The following ZNF827 variants were observed in gnomAD, a reference collection of about 807,000 sequenced individuals.
ZNF827 encodes the protein zinc finger protein 827.
A neutral mutation model predicts 102.4 loss-of-function variants in ZNF827; 13 were observed. The observed-to-expected ratio is 0.13, with a 90% confidence interval of 0.08 to 0.20. The LOEUF is 0.20. ZNF827 is among the 10% of genes least tolerant of loss of function. ZNF827 has a pLI of 1.00. For missense variants in ZNF827, 1,103 were observed against 1,344.4 expected (o/e 0.82, Z 2.81); for synonymous variants, 523 against 536.2 (o/e 0.98, Z 0.34).
rs547210181 is a variant in ZNF827, at chr4:145,812,826, C to A, written c.2383+10596G>T. 2.0e-5 allele frequency among the ~76,000 whole-genome samples: 3 copies of A among 152,292 alleles called. No individual in the cohort carries two copies. The South Asian group carries it at 6.2e-4, about 32-fold the overall frequency. ...TACAGGTGTGAGCCACCACGCCTGA[C>A]CTAAACCATTTTATTCTAAAAGGAG... On this transcript the variant is annotated intron_variant, in intron 8 of 14. Coordinates refer to ENST00000508784, the MANE Select transcript of ZNF827 (RefSeq NM_001306215.2).
intron 7 of ZNF827, among the ~76,000 whole-genome samples, chr4:145,829,533 G>C (rs1743999277): frequency 1.3e-5 from 2 of 152,218 alleles, no homozygotes; most frequent in Non-Finnish European, 2.9e-5. Flanking sequence ...ATGTCTGAAA[G>C]AATCTGGGGT....
intron 1 of ZNF827, among the ~76,000 whole-genome samples, chr4:145,914,835 G>A (rs1752558625): frequency 6.6e-6 from 1 of 152,154 alleles, no homozygotes. Flanking sequence ...TTCACTAAGA[G>A]GGCTTTTCTA....
intron 8 of ZNF827, among the ~76,000 whole-genome samples, chr4:145,788,682 G>A (rs1266529612): frequency 1.3e-5 from 2 of 152,126 alleles, no homozygotes; most frequent in Admixed American, 6.5e-5. Flanking sequence ...ATTGATTCAG[G>A]AATCATGTCT....
Position 145,902,124 on chromosome 4 carries a change from T to G in ZNF827, c.1093+42A>C. ...ATGAATAAGACATCGCAGTTTATAG[T>G]CTAAAGGACTTACACGATGATTGAA... On this transcript the variant is annotated intron_variant, in intron 2 of 14. Coordinates refer to ENST00000508784, the MANE Select transcript of ZNF827 (RefSeq NM_001306215.2). The surrounding 1 kb of genome is among the most constrained non-coding windows in gnomAD (Gnocchi z 4.3). 1.9e-6 allele frequency: 3 copies of G among 1,542,146 alleles called. No homozygotes were observed. The highest frequency in any genetic ancestry group is 2.6e-6 in the Non-Finnish European group (3 of 1,149,568).
At chr4:145,799,748 G>A (rs1242938006) in intron 8 of ZNF827, among the ~76,000 whole-genome samples, 1 of 152,222 alleles carries the variant, frequency 6.6e-6, no homozygotes, top group Non-Finnish European at 1.5e-5. Flanking sequence ...GTGACCAGAA[G>A]TGATGTGTTA....
chr4:145,834,615 G>C (rs1271582674), intron 7 of ZNF827, among the ~76,000 whole-genome samples: 1 of 152,060 alleles, frequency 6.6e-6, no homozygotes, highest in Non-Finnish European at 1.5e-5. Context: ...CAAGGTTAAT[G>C]CTCCTTTTTC....
At chr4:145,839,780 T>C (rs1745236051) in intron 7 of ZNF827, among the ~76,000 whole-genome samples, 1 of 152,226 alleles carries the variant, frequency 6.6e-6, no homozygotes, top group Admixed American at 6.5e-5. Context: ...CAATTTACAC[T>C]TCATTCCTGA....
At chr4:145,794,685 G>C (rs181139768) in intron 8 of ZNF827, among the ~76,000 whole-genome samples, 1 of 151,892 alleles carries the variant, frequency 6.6e-6, no homozygotes, top group Non-Finnish European at 1.5e-5. Flanking sequence ...GGGCGACAGG[G>C]CGAGACCCTG....
At position 145,823,534 on chromosome 4, in the gene ZNF827, G is replaced by A. The variant is rs1425814795; in HGVS notation, c.2280-9C>T. ...CTTCTGAAAAGAAAGGGCTGGGGTG[G>A]GGGAGGGGGAGTGAAGTTTAGTAAA... On this transcript the variant is annotated splice_polypyrimidine_tract_variant and intron_variant, in intron 7 of 14. Transcript: ENST00000508784. 1 of 1,574,954 alleles carries A rather than the reference G, an allele frequency of 6.3e-7. No individual in the cohort carries two copies. Among genetic ancestry groups the A allele is most frequent in the South Asian group, 1.1e-5 (1 of 90,188 alleles).
chr4:145,818,593 A>G (rs2126459154), intron 8 of ZNF827, among the ~76,000 whole-genome samples: 1 of 152,380 alleles, frequency 6.6e-6, no homozygotes. Context: ...TAAATTGAAA[A>G]AGAATCTGCT....
chr4:145,847,582 G>A (rs899295438), intron 6 of ZNF827, among the ~76,000 whole-genome samples: 1 of 152,142 alleles, frequency 6.6e-6, no homozygotes, highest in Admixed American at 6.5e-5. Flanking sequence ...GTGGCTTGAG[G>A]TCTACATCTA....
At chr4:145,915,990 A>G (rs545701159) in intron 1 of ZNF827, among the ~76,000 whole-genome samples, 1 of 152,360 alleles carries the variant, frequency 6.6e-6, no homozygotes, top group East Asian at 1.9e-4. Flanking sequence ...TGCCAGAATA[A>G]TCTCCTTTGA....
intron 8 of ZNF827, among the ~76,000 whole-genome samples, chr4:145,790,425 A>G (rs566181756): frequency 1.3e-5 from 2 of 152,350 alleles, no homozygotes; most frequent in East Asian, 1.9e-4. Flanking sequence ...CTGAGTTTAG[A>G]AAGTAAATCC....
chr4:145,876,745 T>C (rs927717354), intron 4 of ZNF827: 2 of 152,200 alleles, frequency 1.3e-5, no homozygotes, highest in Non-Finnish European at 1.5e-5. Context: ...CTTTAGGGCA[T>C]ATTGTGAGTT....
chr4:145,827,446 C>T (rs1310277899), intron 7 of ZNF827, among the ~76,000 whole-genome samples: 1 of 152,152 alleles, frequency 6.6e-6, no homozygotes. Flanking sequence ...TTAAGATATG[C>T]CCCAATTTCC....
At chr4:145,933,580 A>C (rs781375304) in intron 1 of ZNF827, among the ~76,000 whole-genome samples, 2 of 152,256 alleles carry the variant, frequency 1.3e-5, no homozygotes, top group Non-Finnish European at 2.9e-5. Context: ...TGAAGAACAC[A>C]ATAACCTGAT....
chr4:145,890,625 C>T (rs1750518715), intron 3 of ZNF827, among the ~76,000 whole-genome samples: 1 of 152,202 alleles, frequency 6.6e-6, no homozygotes. Flanking sequence ...GACCTGATTT[C>T]TAAACACAGC....
chr4:145,921,382 A>G (rs1753053825), intron 1 of ZNF827, among the ~76,000 whole-genome samples: 2 of 149,834 alleles, frequency 1.3e-5, no homozygotes, highest in Non-Finnish European at 3.0e-5. Flanking sequence ...TCTGGATTAC[A>G]TGAGTGTTTT....
chr4:145,909,233 T>C (rs754968227), intron 1 of ZNF827, among the ~76,000 whole-genome samples: 2 of 152,218 alleles, frequency 1.3e-5, no homozygotes, highest in Non-Finnish European at 2.9e-5. Flanking sequence ...CATTTTTGTG[T>C]TCCTTCTTGA....
Sources: allele counts gnomAD v4.1 joint callset (sites outside exome capture counted in the v4.1 genomes callset), GRCh38; gene constraint gnomAD v4.1.1; non-coding constraint Gnocchi (gnomAD v3.1); transcripts MANE v1.5; gene names NCBI Gene and HGNC (gene_info 2026-07-23, HGNC 2026-07-21).